The following USP34 variants were observed in gnomAD, a reference collection of about 807,000 sequenced individuals.
The protein encoded by USP34 is ubiquitin specific peptidase 34.
In USP34, 70 loss-of-function variants were observed where a neutral mutation model predicts 460.3. That is an observed-to-expected ratio of 0.15 (90% confidence interval 0.13 to 0.19). The LOEUF is 0.19. Ranked by LOEUF, USP34 falls within the 10% of genes least tolerant of loss-of-function variation. The pLI, the probability that USP34 is intolerant of heterozygous loss-of-function variation, is 1.00. For synonymous variants in USP34, 1,647 were observed against 1,405.3 expected (o/e 1.17, Z -3.85); for missense variants, 3,985 against 4,236.2 (o/e 0.94, Z 1.65).
chr2:61,413,797 G>C (rs1694116279), intron 2 of USP34, among the ~76,000 whole-genome samples: 1 of 145,602 alleles, frequency 6.9e-6, no homozygotes, highest in African/African-American at 2.6e-5. Context: ...GGGCAACATG[G>C]GGAAACCCCG....
intron 25 of USP34, 105 bp downstream of exon 25, chr2:61,314,477 TTTC>T: frequency 9.9e-7 from 1 of 1,012,332 alleles, no homozygotes; most frequent in Non-Finnish European, 1.3e-6. Flanking sequence ...TAAATTATGC[TTTC>T]TACTTGACCC....
chr2:61,235,508 T>C (rs914163976), intron 57 of USP34, among the ~76,000 whole-genome samples: 1 of 151,852 alleles, frequency 6.6e-6, no homozygotes, highest in Non-Finnish European at 1.5e-5. Context: ...GTATTTTTAG[T>C]AGAGACAGTG....
In USP34 at chr2:61,320,706, A is replaced by T. The variant is rs543448647; in HGVS notation, c.3014-1379T>A. On this transcript the variant is annotated intron_variant, in intron 21 of 79. Transcript: ENST00000398571. ...ATAGGAAGACATTGTCTTTACAAAAAATTAAAAAACAAAAATTTGTAGGCT... is the reference window on the plus strand; with the variant it reads ...ATAGGAAGACATTGTCTTTACAAAATATTAAAAAACAAAAATTTGTAGGCT... 6.2e-4 allele frequency among the ~76,000 whole-genome samples: 94 copies of T among 152,232 alleles called. 1 individual carries two copies. The highest frequency in any genetic ancestry group is 2.3e-3 in the African/African-American group (94 of 41,532).
At chr2:61,330,042 T>C (rs1691212704) in intron 20 of USP34, among the ~76,000 whole-genome samples, 1 of 152,170 alleles carries the variant, frequency 6.6e-6, no homozygotes, top group Admixed American at 6.5e-5. Flanking sequence ...AAATGTCAAC[T>C]TGTGAAAAGA....
At chr2:61,270,280 G>A (rs1384542815) in intron 41 of USP34, among the ~76,000 whole-genome samples, 2 of 152,082 alleles carry the variant, frequency 1.3e-5, no homozygotes, top group East Asian at 3.9e-4. Flanking sequence ...GGTGCCATCC[G>A]TGAATCAAAA....
At chr2:61,369,642 C>CAA (rs57947331) in intron 10 of USP34, among the ~76,000 whole-genome samples, 576 of 42,938 alleles carry the variant, frequency 0.013, no homozygotes, top group Non-Finnish European at 0.015. Context: ...GATTCCGTCT[C>CAA]AAAAAAAAAA....
intron 76 of USP34, among the ~76,000 whole-genome samples, chr2:61,191,937 G>C (rs1400684504): frequency 6.6e-6 from 1 of 152,202 alleles, no homozygotes. Flanking sequence ...GTGTATACTA[G>C]CCTCTGAAAG....
chr2:61,411,279 G>A (rs1437070016), intron 2 of USP34, among the ~76,000 whole-genome samples: 1 of 151,702 alleles, frequency 6.6e-6, no homozygotes, highest in Non-Finnish European at 1.5e-5. Flanking sequence ...CTACACAGGA[G>A]GCAAAGATAA....
intron 15 of USP34, among the ~76,000 whole-genome samples, chr2:61,345,103 T>C (rs2103769341): frequency 6.6e-6 from 1 of 152,088 alleles, no homozygotes; most frequent in South Asian, 2.1e-4. Context: ...TGAAACCCCG[T>C]CTCTACTAAA....
rs1441392576 is a variant in USP34, at chr2:61,187,583, T to G, written c.*519A>C. On this transcript the variant is annotated 3_prime_UTR_variant, in exon 80 of 80. Coordinates refer to ENST00000398571, the MANE Select transcript of USP34 (RefSeq NM_014709.4). ...GTGTGCTTTATTTCCTCCACAGGTA[T>G]TCTGTTAAATAAAGCACCATTTATA... The G allele has an allele frequency of 2.2e-6, 2 of 927,622 alleles. No individual in the cohort carries two copies. Among genetic ancestry groups the G allele is most frequent in the Non-Finnish European group, 1.3e-6 (1 of 776,934 alleles). 57.5% of individuals were successfully genotyped at this position (927,622 alleles called of 1,614,324 possible).
chr2:61,284,435 C>G (rs909098814), intron 35 of USP34, among the ~76,000 whole-genome samples: 6 of 152,012 alleles, frequency 3.9e-5, no homozygotes, highest in African/African-American at 1.4e-4. Flanking sequence ...CAACTAAATG[C>G]AATACATTTA....
intron 16 of USP34, among the ~76,000 whole-genome samples, chr2:61,340,571 G>C (rs897897334): frequency 2.0e-5 from 3 of 152,144 alleles, no homozygotes; most frequent in African/African-American, 7.2e-5. Context: ...TAACACCGTA[G>C]TACTGTCACT....
At chr2:61,404,833 A>G (rs1693821512) in intron 3 of USP34, among the ~76,000 whole-genome samples, 1 of 152,196 alleles carries the variant, frequency 6.6e-6, no homozygotes, top group South Asian at 2.1e-4. Flanking sequence ...CTAGAAATCA[A>G]TCATATTATC....
chr2:61,288,646 T>C, intron 34 of USP34, 31 bp downstream of exon 34: 2 of 1,596,170 alleles, frequency 1.3e-6, no homozygotes, highest in Non-Finnish European at 1.7e-6. Flanking sequence ...TAAATGGAAT[T>C]CATCATTAAA....
At chr2:61,363,215 T>C (rs777885472) in intron 10 of USP34, among the ~76,000 whole-genome samples, 1 of 152,162 alleles carries the variant, frequency 6.6e-6, no homozygotes, top group Non-Finnish European at 1.5e-5. Context: ...GTAACAAGTA[T>C]AGGCAAGGAT....
At chr2:61,396,621 C>T (rs1248761655) in intron 3 of USP34, among the ~76,000 whole-genome samples, 11 of 151,706 alleles carry the variant, frequency 7.3e-5, no homozygotes, top group East Asian at 5.8e-4. Flanking sequence ...CCAGAGTAGC[C>T]GGGATTACAG....
chr2:61,233,159 C>A (rs564083062), intron 57 of USP34, among the ~76,000 whole-genome samples: 1 of 152,156 alleles, frequency 6.6e-6, no homozygotes, highest in South Asian at 2.1e-4. Flanking sequence ...GTCACCCGGC[C>A]ACCTATTAAT....
At chr2:61,209,825 A>G (rs1036274040) in intron 69 of USP34, among the ~76,000 whole-genome samples, 5 of 152,324 alleles carry the variant, frequency 3.3e-5, no homozygotes, top group South Asian at 2.1e-4. Flanking sequence ...GCCTCTGAAG[A>G]CCTCCCAAGT....
chr2:61,424,380 T>C (rs996219635), intron 1 of USP34, among the ~76,000 whole-genome samples: 3 of 152,208 alleles, frequency 2.0e-5, no homozygotes, highest in African/African-American at 7.2e-5. Flanking sequence ...GGTCCATCAT[T>C]GACCAAAACA....
Sources: gnomAD v4.1 joint callset for allele counts (sites outside exome capture counted in the v4.1 genomes callset) on GRCh38, gnomAD v4.1.1 for gene constraint, MANE v1.5 for transcripts, NCBI Gene and HGNC (gene_info 2026-07-23, HGNC 2026-07-21) for gene names.